Variants in DLEC1 observed in about 807,000 individuals in gnomAD.
DLEC1 encodes DLEC1 cilia and flagella associated protein.
DLEC1 carries 146 observed loss-of-function variants against 198.1 expected under a neutral mutation model. The ratio of observed to expected loss-of-function variants is 0.74; its 90% CI spans 0.64 to 0.85. The LOEUF (loss-of-function observed/expected upper bound fraction) is 0.85, where lower values mean the gene tolerates loss of function less well. Among genes scored for constraint, DLEC1 ranks in the 40% least tolerant of loss-of-function variants. The probability of loss-of-function intolerance (pLI) is 0.00; values close to 1 mark genes in which losing one functional copy is unlikely to be tolerated. For synonymous variants in DLEC1, 897 were observed against 866.8 expected, an observed-to-expected ratio of 1.03 and a Z score of -0.61; for missense variants, 2,233 against 2,220.0, an observed-to-expected ratio of 1.01 and a Z score of -0.12.
Position 38,122,636 on chromosome 3 carries a change from A to G in DLEC1, c.*224A>G. 1 of 1,505,364 alleles carries G rather than the reference A, an allele frequency of 6.6e-7. No homozygotes were observed. Among genetic ancestry groups the G allele is most frequent in the South Asian group, 1.3e-5 (1 of 76,870 alleles). 93.3% of individuals were successfully genotyped at this position (1,505,364 alleles called of 1,614,324 possible). A position where few individuals can be genotyped will look rare whatever the true frequency, so the allele number is the denominator to read the frequency against. On this transcript the variant is annotated 3_prime_UTR_variant, in exon 37 of 37. Transcript: ENST00000308059. ...AGGCCACACCACAGCAGAGACCACCACATTGAGATCACTACTCAGTGCATA... is the reference window on the plus strand; with the variant it reads ...AGGCCACACCACAGCAGAGACCACCGCATTGAGATCACTACTCAGTGCATA...
At chr3:38,058,426 T>A (rs1213055487) in intron 2 of DLEC1, among the ~76,000 whole-genome samples, 3 of 152,164 alleles carry the variant, frequency 2.0e-5, no homozygotes, top group African/African-American at 4.8e-5. Context: ...CCAGCACCGA[T>A]GCAGGCGGCT....
rs768151608 is a variant in DLEC1 at position 38,107,650 on chromosome 3, T to C, written c.2931T>C (p.Val977=). Residue 977 remains valine (V), a synonymous_variant, in exon 20 of 37, where the codon GTT becomes GTC. Transcript: ENST00000308059. The part of the protein sequence containing the change: ...HVYLQSSQVE[V]RNLYLGVPTK... ...ACCTACAGAGCAGCCAGGTGGAGGTTAGAAATCTCTACCTGGGTGTGCCCA... is the reference window on the plus strand; with the variant it reads ...ACCTACAGAGCAGCCAGGTGGAGGTCAGAAATCTCTACCTGGGTGTGCCCA... The C allele has an allele frequency of 1.9e-6, 3 of 1,613,992 alleles. No homozygotes were observed. The highest frequency in any genetic ancestry group is 1.3e-5 in the African/African-American group (1 of 74,916).
rs201177380 is a variant in DLEC1 at position 38,120,613 on chromosome 3, C to T, written c.4866+4C>T. On this transcript the variant is annotated splice_donor_region_variant and intron_variant, in intron 34 of 36. Coordinates refer to ENST00000308059, the MANE Select transcript of DLEC1 (RefSeq NM_007335.4). The stretch of plus-strand genomic sequence containing the variant: ...GTACACCAACCAGACCACTCAGGCA[C>T]GCCCCAGGCCCACCTACATGTGGAG... 4.1e-5 allele frequency: 66 copies of T among 1,612,862 alleles called. 1 individual carries two copies. Among genetic ancestry groups the T allele is most frequent in the Middle Eastern group, 4.0e-4 (2 of 5,032 alleles).
At chr3:38,064,771 C>T (rs1025192373) in intron 6 of DLEC1, among the ~76,000 whole-genome samples, 3 of 151,546 alleles carry the variant, frequency 2.0e-5, no homozygotes, top group Admixed American at 2.0e-4. Flanking sequence ...TCCCCACATC[C>T]CAGACGATGG....
chr3:38,064,007 CTTTTT>C, intron 6 of DLEC1, 88 bp downstream of exon 6: 4 of 448,174 alleles, frequency 8.9e-6, no homozygotes, highest in Non-Finnish European at 1.0e-5. Context: ...TTTTTTTTTT[CTTTTT>C]TTTTTTTTTT....
rs776275074 is a variant in DLEC1 at position 38,117,087 on chromosome 3, G to C, written c.4292G>C (p.Ser1431Thr). 2 of 1,613,988 alleles carry C rather than the reference G, an allele frequency of 1.2e-6. No individual in the cohort carries two copies. The highest frequency in any genetic ancestry group is 1.7e-6 in the Non-Finnish European group (2 of 1,179,986). ...ECTGYALGFM[S>T]LDSKVEREIP... ...ACTGGCTACGCCCTGGGTTTCATGA[G>C]CTTGGACAGCAAGGTGAGCTCTTCC... Residue 1431 changes from serine (S) to threonine (T), a missense_variant, in exon 30 of 37, where the codon AGC becomes ACC. Transcript: ENST00000308059.
intron 6 of DLEC1, among the ~76,000 whole-genome samples, chr3:38,079,227 TTTAG>T (rs1180599039): frequency 2.0e-5 from 3 of 152,126 alleles, no homozygotes; most frequent in Non-Finnish European, 2.9e-5. Flanking sequence ...AAGCAGATAA[TTTAG>T]TTAAAGTGTC....
intron 18 of DLEC1, 65 bp from the exon 19 acceptor site, chr3:38,100,221 C>A: frequency 6.6e-7 from 1 of 1,509,806 alleles, no homozygotes; most frequent in South Asian, 1.3e-5. Context: ...GCATGGCCAG[C>A]CCCCAGTTCC....
chr3:38,043,470 T>G (rs931679520), intron 1 of DLEC1, among the ~76,000 whole-genome samples: 1 of 152,214 alleles, frequency 6.6e-6, no homozygotes, highest in South Asian at 2.1e-4. Context: ...TTTGAGGAAC[T>G]GTCCCAGGCC....
chr3:38,117,563 A>G lies in DLEC1; in HGVS notation c.4437A>G (p.Glu1479=). 2 of 1,614,150 alleles carry G rather than the reference A, an allele frequency of 1.2e-6. No homozygotes were observed. Among genetic ancestry groups the G allele is most frequent in the Non-Finnish European group, 8.5e-7 (1 of 1,179,996 alleles). The part of the protein sequence containing the change: ...SVELDYGGSM[E]FQCQASDLIP... ...AGCTGGACTACGGCGGCAGTATGGA[A>G]TTCCAGTGCCAGGCCAGTGACCTCA... The change falls in exon 32 of 37, where the codon GAA becomes GAG. Residue 1479 remains glutamate (E), a synonymous_variant. Coordinates refer to ENST00000308059, the MANE Select transcript of DLEC1 (RefSeq NM_007335.4).
chr3:38,066,956 G>A (rs577463579), intron 6 of DLEC1, among the ~76,000 whole-genome samples: 2 of 152,324 alleles, frequency 1.3e-5, no homozygotes, highest in South Asian at 4.1e-4. Context: ...CCAGAGGAAA[G>A]GAGCTAAAAT....
chr3:38,117,204 G>A lies in DLEC1; in HGVS notation c.4306-4G>A. ...TCAGCTGTGATCAGACTTGGGCTCA[G>A]TAGGTGGAAAGGGAGATTCCAGGGA... is the stretch of plus-strand genomic sequence containing the variant. On this transcript the variant is annotated splice_region_variant and splice_polypyrimidine_tract_variant and intron_variant, in intron 30 of 36. Coordinates refer to ENST00000308059, the MANE Select transcript of DLEC1 (RefSeq NM_007335.4). The A allele has an allele frequency of 6.2e-7, 1 of 1,614,178 alleles. No homozygotes were observed. The highest frequency in any genetic ancestry group is 1.3e-5 in the African/African-American group (1 of 75,056).
intron 23 of DLEC1, 93 bp from the exon 24 acceptor site, chr3:38,111,584 A>G: frequency 7.3e-7 from 1 of 1,371,316 alleles, no homozygotes; most frequent in Non-Finnish European, 1.0e-6. Flanking sequence ...TCTGCTGGGC[A>G]CCTGGTAGAA....
At chr3:38,088,487 C>T in intron 10 of DLEC1, 99 bp downstream of exon 10, 1 of 1,138,736 alleles carries the variant, frequency 8.8e-7, no homozygotes. Context: ...TCCCATATCA[C>T]AGCCTTAGTG....
chr3:38,071,551 C>T (rs1177042670), intron 6 of DLEC1, among the ~76,000 whole-genome samples: 1 of 152,112 alleles, frequency 6.6e-6, no homozygotes, highest in Non-Finnish European at 1.5e-5. Context: ...GAAATTTCAG[C>T]GGGGAAGTAG....
intron 6 of DLEC1, among the ~76,000 whole-genome samples, chr3:38,072,214 C>T (rs535346037): frequency 9.9e-5 from 15 of 152,146 alleles, no homozygotes; most frequent in South Asian, 2.1e-4. Context: ...GGAGATTCAA[C>T]GAAGAGTGAG....
chr3:38,094,852 A>G lies in DLEC1; in HGVS notation c.1920-27A>G, dbSNP rs760358196. On this transcript the variant is annotated intron_variant, in intron 12 of 36. Coordinates refer to ENST00000308059, the MANE Select transcript of DLEC1 (RefSeq NM_007335.4). The stretch of plus-strand genomic sequence containing the variant: ...GACCTGGTCCCAGCAGAACTGGGAC[A>G]TGGCCTTGGATGCGTTGCCCCCACA... 15 of 1,609,566 alleles carry G rather than the reference A, an allele frequency of 9.3e-6. No homozygotes were observed. The South Asian group carries it at 1.3e-4, about 14-fold the overall frequency.
At chr3:38,063,940 C>G (rs746614943) in intron 6 of DLEC1, 21 bp downstream of exon 6, 2 of 1,526,208 alleles carry the variant, frequency 1.3e-6, no homozygotes, top group Admixed American at 3.4e-5. Context: ...TGTTTCTTTA[C>G]AGCTCCCACC....
chr3:38,057,234 T>C (rs1696420934), intron 2 of DLEC1, among the ~76,000 whole-genome samples: 1 of 152,234 alleles, frequency 6.6e-6, no homozygotes, highest in African/African-American at 2.4e-5. Flanking sequence ...CTCACGCCTG[T>C]AATCCCAGTA....
Sources: gnomAD v4.1 joint callset for allele counts (sites outside exome capture counted in the v4.1 genomes callset) on GRCh38, gnomAD v4.1.1 for gene constraint, MANE v1.5 for transcripts, NCBI Gene and HGNC (gene_info 2026-07-23, HGNC 2026-07-21) for gene names.